AGPAT3: variants seen among roughly 807,000 people sequenced by gnomAD.
AGPAT3 encodes the protein 1-acyl-sn-glycerol-3-phosphate acyltransferase gamma.
A neutral mutation model predicts 47.3 loss-of-function variants in AGPAT3; 5 were observed. The ratio of observed to expected loss-of-function variants is 0.11; its 90% CI spans 0.06 to 0.22. The LOEUF (loss-of-function observed/expected upper bound fraction) is 0.22, where lower values mean the gene tolerates loss of function less well. AGPAT3 is among the 10% of genes least tolerant of loss of function. The pLI, the probability that AGPAT3 is intolerant of heterozygous loss-of-function variation, is 1.00. For missense variants in AGPAT3, 315 were observed against 493.0 expected, an observed-to-expected ratio of 0.64 and a Z score of 3.42; for synonymous variants, 212 against 208.3, an observed-to-expected ratio of 1.02 and a Z score of -0.15.
At chr21:43,941,086 G>C (rs545449759) in intron 2 of AGPAT3, among the ~76,000 whole-genome samples, 4 of 152,328 alleles carry the variant, frequency 2.6e-5, no homozygotes, top group African/African-American at 9.6e-5. Flanking sequence ...ATGGTACCAG[G>C]TGGTGCAGGG....
intron 2 of AGPAT3, among the ~76,000 whole-genome samples, chr21:43,937,988 G>A (rs1004481562): frequency 7.9e-5 from 12 of 152,112 alleles, no homozygotes; most frequent in African/African-American, 2.9e-4. Flanking sequence ...CTGGACCAAG[G>A]AAGTTGTCTG....
intron 2 of AGPAT3, among the ~76,000 whole-genome samples, chr21:43,943,795 T>C (rs2087756620): frequency 6.6e-6 from 1 of 152,202 alleles, no homozygotes; most frequent in Admixed American, 6.5e-5. Context: ...TAGTGGCAGC[T>C]TATTACCACA....
At chr21:43,894,862 G>A (rs2086180508) in intron 1 of AGPAT3, among the ~76,000 whole-genome samples, 1 of 152,122 alleles carries the variant, frequency 6.6e-6, no homozygotes, top group East Asian at 1.9e-4. Flanking sequence ...TGAAGCACTG[G>A]ACTCTGTTCC....
In AGPAT3 at chr21:43,908,899, C is replaced by T. The variant is rs569829654; in HGVS notation, c.-49+4880C>T. ...GCTCAGGCTCAGCTCACACGGTCCCCGGATGCCCCTGCTGTGCTCCGAGGT... is the reference window on the plus strand; with the variant it reads ...GCTCAGGCTCAGCTCACACGGTCCCTGGATGCCCCTGCTGTGCTCCGAGGT... On this transcript the variant is annotated intron_variant, in intron 2 of 9. Transcript: ENST00000291572. This position sits in a 1 kb window ranked among gnomAD's most constrained non-coding sequence, Gnocchi z 4.9. Among the ~76,000 whole-genome samples the T allele has an allele frequency of 1.1e-4, 17 of 152,266 alleles. No homozygotes were observed. Among genetic ancestry groups the T allele is most frequent in the Admixed American group, 3.3e-4 (5 of 15,294 alleles).
chr21:43,963,364 G>A (rs1273171541), intron 3 of AGPAT3, among the ~76,000 whole-genome samples: 5 of 152,220 alleles, frequency 3.3e-5, no homozygotes, highest in South Asian at 2.1e-4. Context: ...CAAGCAGAGC[G>A]AATGCACAGA....
At chr21:43,914,649 A>T (rs1198020007) in intron 2 of AGPAT3, among the ~76,000 whole-genome samples, 2 of 151,682 alleles carry the variant, frequency 1.3e-5, no homozygotes, top group Non-Finnish European at 2.9e-5. Context: ...TCTTGGGCTC[A>T]AGCAGTCCTC....
chr21:43,917,814 T>C (rs59355960), intron 2 of AGPAT3, among the ~76,000 whole-genome samples: 42,803 of 105,008 alleles, frequency 0.41, 7,899 homozygotes, highest in South Asian at 0.49. Flanking sequence ...GGTTGTGTTG[T>C]GGGTGTTGTG....
intron 1 of AGPAT3, among the ~76,000 whole-genome samples, chr21:43,884,427 G>A (rs953207529): frequency 3.3e-5 from 5 of 152,130 alleles, no homozygotes; most frequent in African/African-American, 7.2e-5. Context: ...TCTGCTGTGC[G>A]GAGCATGGCC....
At chr21:43,906,446 G>A (rs1475207150) in intron 2 of AGPAT3, among the ~76,000 whole-genome samples, 1 of 152,100 alleles carries the variant, frequency 6.6e-6, no homozygotes, top group Non-Finnish European at 1.5e-5. Context: ...GAAAAGGCAT[G>A]CAACTCAATT....
At chr21:43,896,955 T>G (rs907402695) in intron 1 of AGPAT3, among the ~76,000 whole-genome samples, 8 of 146,244 alleles carry the variant, frequency 5.5e-5, no homozygotes, top group South Asian at 4.4e-4. Flanking sequence ...TTTTTTTTTT[T>G]TTTTTTTTTT....
At chr21:43,913,559 C>T (rs2086669588) in intron 2 of AGPAT3, among the ~76,000 whole-genome samples, 1 of 152,216 alleles carries the variant, frequency 6.6e-6, no homozygotes, top group Non-Finnish European at 1.5e-5. Flanking sequence ...GCACCCCAGC[C>T]TGGGTGACAG....
chr21:43,927,280 G>A (rs1027552726), intron 2 of AGPAT3, among the ~76,000 whole-genome samples: 7 of 152,136 alleles, frequency 4.6e-5, no homozygotes, highest in African/African-American at 1.7e-4. Flanking sequence ...TGGGTACATA[G>A]TAGGTATATA....
At chr21:43,969,639 C>T (rs1306033931) in intron 5 of AGPAT3, among the ~76,000 whole-genome samples, 10 of 152,200 alleles carry the variant, frequency 6.6e-5, no homozygotes. Context: ...AATGGGCTGC[C>T]TGTGCTGTTA....
chr21:43,956,958 G>A (rs1156973357), intron 2 of AGPAT3, among the ~76,000 whole-genome samples: 3 of 152,216 alleles, frequency 2.0e-5, no homozygotes, highest in African/African-American at 7.2e-5. Context: ...AGTCAGAAAG[G>A]GAAGAAGACC....
intron 2 of AGPAT3, among the ~76,000 whole-genome samples, chr21:43,936,129 G>T (rs549376852): frequency 2.0e-5 from 3 of 152,230 alleles, no homozygotes; most frequent in Admixed American, 2.0e-4. Flanking sequence ...ACTTCAAAGA[G>T]GGGGAGCCAA....
intron 1 of AGPAT3, among the ~76,000 whole-genome samples, chr21:43,888,400 T>C (rs373209840): frequency 3.9e-4 from 2 of 5,154 alleles, no homozygotes; most frequent in Non-Finnish European, 5.6e-4. Context: ...TTGTGTAGGA[T>C]ATATATATAT....
At chr21:43,888,549 G>GA (rs950971131) in intron 1 of AGPAT3, among the ~76,000 whole-genome samples, 5 of 151,860 alleles carry the variant, frequency 3.3e-5, no homozygotes, top group Admixed American at 2.0e-4. Flanking sequence ...AAAAGTTGAA[G>GA]AAAAAAAGAA....
chr21:43,911,432 G>A (rs1340005333), intron 2 of AGPAT3, among the ~76,000 whole-genome samples: 1 of 152,270 alleles, frequency 6.6e-6, no homozygotes, highest in African/African-American at 2.4e-5. Flanking sequence ...GAAGCAGCCT[G>A]TCCAGGCCAA....
At chr21:43,938,113 CACAG>C (rs1160865658) in intron 2 of AGPAT3, among the ~76,000 whole-genome samples, 1 of 134,440 alleles carries the variant, frequency 7.4e-6, no homozygotes, top group South Asian at 2.6e-4. Flanking sequence ...CTCACACACA[CACAG>C]ACACACACAC....
Sources: gnomAD v4.1 joint callset for allele counts (sites outside exome capture counted in the v4.1 genomes callset) on GRCh38, gnomAD v4.1.1 for gene constraint, Gnocchi (gnomAD v3.1) non-coding constraint, MANE v1.5 for transcripts, NCBI Gene and HGNC (gene_info 2026-07-23, HGNC 2026-07-21) for gene names.